DHRS2: variants seen among roughly 807,000 people sequenced by gnomAD.
DHRS2 encodes dehydrogenase/reductase 2, also known as dehydrogenase/reductase SDR family member 2, mitochondrial.
A neutral mutation model predicts 26.3 loss-of-function variants in DHRS2; 29 were observed. The observed-to-expected ratio is 1.10, with a 90% CI of 0.82 to 1.50. The LOEUF (loss-of-function observed/expected upper bound fraction) is 1.50, where lower values mean the gene tolerates loss of function less well. Among genes scored for constraint, DHRS2 ranks in the 40% most tolerant of loss-of-function variants. DHRS2 has a pLI of 0.00. For missense variants in DHRS2, 439 were observed against 367.1 expected (o/e 1.20, Z -1.60); for synonymous variants, 164 against 151.3 (o/e 1.08, Z -0.62).
rs1452646648 is a variant in DHRS2, at chr14:23,639,167, C to T, written c.141-12C>T. Reference sequence around the variant, plus strand: ...GCTGAGGCTGACTTTTGCCCTCCATCTCTGCATTCAGGATCGGCTTTGCCA... The same window carrying T: ...GCTGAGGCTGACTTTTGCCCTCCATTTCTGCATTCAGGATCGGCTTTGCCA... On this transcript the variant is annotated splice_polypyrimidine_tract_variant and intron_variant, in intron 2 of 8. Coordinates refer to ENST00000250383, the MANE Select transcript of DHRS2 (RefSeq NM_005794.4). 7.4e-6 allele frequency: 12 copies of T among 1,611,718 alleles called. No individual in the cohort carries two copies. Among genetic ancestry groups the T allele is most frequent in the Non-Finnish European group, 9.3e-6 (11 of 1,179,200 alleles).
Position 23,645,199 on chromosome 14 carries a change from C to T in DHRS2, c.789C>T (p.Ala263=), listed in dbSNP as rs1890828250. The change falls in exon 9 of 9, where the codon GCC becomes GCT. Residue 263 remains alanine (A), a synonymous_variant. Transcript: ENST00000250383. ...GIVSFLCSPD[A]SYVNGENIAV... is the part of the protein sequence containing the mutation. ...TGTCCTTCCTGTGCTCTCCAGATGC[C>T]AGCTACGTCAACGGGGAGAACATTG... is the stretch of plus-strand genomic sequence containing the variant. The T allele has an allele frequency of 6.2e-7, 1 of 1,614,052 alleles. No individual in the cohort carries two copies. Among genetic ancestry groups the T allele is most frequent in the African/African-American group, 1.3e-5 (1 of 74,898 alleles).
At chr14:23,644,789 T>A (rs1276823748) in intron 7 of DHRS2, 38 bp from the exon 8 acceptor site, 1 of 1,611,708 alleles carries the variant, frequency 6.2e-7, no homozygotes. Context: ...CATCTTGTTT[T>A]AGTAGCACTG....
chr14:23,636,571 A>T lies in DHRS2; in HGVS notation c.-240A>T, dbSNP rs1890297177. 6.6e-6 allele frequency: 1 copy of T among 152,142 alleles called. No homozygotes were observed. The highest frequency in any genetic ancestry group is 1.5e-5 in the Non-Finnish European group (1 of 68,044). The allele number at this position is 152,142 out of a possible 1,614,324, so 9.4% of individuals were successfully genotyped here. A position where few individuals can be genotyped will look rare whatever the true frequency, so the allele number is the denominator to read the frequency against. On this transcript the variant is annotated 5_prime_UTR_variant, in exon 1 of 9. Transcript: ENST00000250383. ...CAACTCTGGACACACCATCTTTAAG[A>T]ACCGTAATACTCACCGCAAGGGTCT...
chr14:23,639,520 C>T (rs765585817), intron 3 of DHRS2, among the ~76,000 whole-genome samples, 164 bp downstream of exon 3: 4 of 152,094 alleles, frequency 2.6e-5, no homozygotes, highest in Non-Finnish European at 4.4e-5. Flanking sequence ...AGGAAAGTGA[C>T]CTGTTCGTGA....
Position 23,638,859 on chromosome 14 carries a change from A to G in DHRS2, c.-6A>G, listed in dbSNP as rs761091968. 3.1e-6 allele frequency: 5 copies of G among 1,612,364 alleles called. No individual in the cohort carries two copies. The Admixed American group carries it at 8.4e-5, about 27-fold the overall frequency. Reference sequence around the variant, plus strand: ...TCAGCAGGAAGCATCTCAGACACCAACCACTATGCTGTCAGCAGTTGCCCG... The same window carrying G: ...TCAGCAGGAAGCATCTCAGACACCAGCCACTATGCTGTCAGCAGTTGCCCG... On this transcript the variant is annotated 5_prime_UTR_variant, in exon 2 of 9. Transcript: ENST00000250383.
Position 23,645,122 on chromosome 14 carries a change from T to C in DHRS2, c.732-20T>C. ...AATCAGAGTACAAGATGCTTGACAC[T>C]GTGTCCTTCTTCCATCCAGGATTGG... On this transcript the variant is annotated intron_variant, in intron 8 of 8. Coordinates refer to ENST00000250383, the MANE Select transcript of DHRS2 (RefSeq NM_005794.4). The C allele has an allele frequency of 6.2e-7, 1 of 1,613,936 alleles. No individual in the cohort carries two copies.
intron 5 of DHRS2, chr14:23,643,550 A>C: frequency 3.0e-6 from 1 of 329,448 alleles, no homozygotes. Flanking sequence ...CTTAAAACCA[A>C]TGACAGGGTT....
At chr14:23,632,028 G>T (rs1029325128), upstream of DHRS2, among the ~76,000 whole-genome samples, 1 of 152,220 alleles carries the variant, frequency 6.6e-6, no homozygotes, top group Admixed American at 6.5e-5. Flanking sequence ...GACAAGCAGG[G>T]CTTGGTAAGA....
In DHRS2 at chr14:23,639,222, C is replaced by T. The variant is rs199641343; in HGVS notation, c.184C>T (p.His62Tyr). 3.8e-5 allele frequency: 62 copies of T among 1,613,790 alleles called. No individual in the cohort carries two copies. Among genetic ancestry groups the T allele is most frequent in the Non-Finnish European group, 4.8e-5 (57 of 1,179,954 alleles). Residue 62 changes from histidine (H) to tyrosine (Y), a missense_variant, in exon 3 of 9, where the codon CAC becomes TAC. Physicochemically the swap from His to Tyr is moderately conservative, Grantham distance 83. Coordinates refer to ENST00000250383, the MANE Select transcript of DHRS2 (RefSeq NM_005794.4). The part of the protein sequence containing the change: ...IARRLARDGA[H>Y]VVISSRKQQN... ...CCGACGTCTGGCCCGGGACGGGGCC[C>T]ACGTGGTCATCAGCAGCCGGAAGCA...
chr14:23,638,143 ACAACTC>A (rs1211839328), intron 1 of DHRS2: 1 of 152,690 alleles, frequency 6.5e-6, no homozygotes, highest in Admixed American at 6.5e-5. Context: ...GAAGGAATGA[ACAACTC>A]CAGACGCACT....
chr14:23,644,512 C>G lies in DHRS2; in HGVS notation c.644C>G (p.Pro215Arg), dbSNP rs1160433727. Residue 215 changes from proline to arginine, a missense_variant, in exon 7 of 9, where the codon CCA becomes CGA. Transcript: ENST00000250383. The stretch of plus-strand genomic sequence containing the variant: ...GACATCCGGGTAAACTGCGTGGTTC[C>G]AGGAATTATCAAAACTGACTTCAGC... ...PKDIRVNCVVPGIIKTDFSKV... is the reference protein window; with the variant it reads ...PKDIRVNCVVRGIIKTDFSKV... 1.4e-5 allele frequency: 23 copies of G among 1,614,078 alleles called. No individual in the cohort carries two copies. Among genetic ancestry groups the G allele is most frequent in the Non-Finnish European group, 1.9e-5 (22 of 1,180,038 alleles).
upstream of DHRS2, among the ~76,000 whole-genome samples, chr14:23,635,531 C>T (rs1890249387): frequency 6.6e-6 from 1 of 152,198 alleles, no homozygotes; most frequent in Non-Finnish European, 1.5e-5. Flanking sequence ...TTCAACTTCT[C>T]CGTATAATGC....
At position 23,638,904 on chromosome 14, in the gene DHRS2, C is replaced by T. The variant is rs201870202; in HGVS notation, c.40C>T (p.His14Tyr). 1.9e-6 allele frequency: 3 copies of T among 1,614,214 alleles called. No homozygotes were observed. Among genetic ancestry groups the T allele is most frequent in the East Asian group, 4.5e-5 (2 of 44,876 alleles). ...AVARGYQGWFHPCARLSVRMS... is the reference protein window; with the variant it reads ...AVARGYQGWFYPCARLSVRMS... ...TGCCCGGGGCTACCAGGGCTGGTTT[C>T]ATCCCTGTGCTAGGCTTTCTGTGAG... is the stretch of plus-strand genomic sequence containing the variant. Residue 14 changes from histidine (H) to tyrosine (Y), a missense_variant, in exon 2 of 9, where the codon CAT (histidine) becomes TAT (tyrosine). Coordinates refer to ENST00000250383, the MANE Select transcript of DHRS2 (RefSeq NM_005794.4).
chr14:23,637,109 A>C (rs1890344019), intron 1 of DHRS2, among the ~76,000 whole-genome samples: 1 of 152,188 alleles, frequency 6.6e-6, no homozygotes, highest in Non-Finnish European at 1.5e-5. Flanking sequence ...CATGTTGCCC[A>C]AGTGAGACTC....
chr14:23,640,139 C>T, intron 4 of DHRS2: 1 of 717,522 alleles, frequency 1.4e-6, no homozygotes, highest in Non-Finnish European at 1.9e-6. Flanking sequence ...ATCACTTTTT[C>T]ATTTAATCAT....
intron 4 of DHRS2, chr14:23,640,585 C>A: frequency 3.5e-6 from 1 of 283,878 alleles, no homozygotes; most frequent in Non-Finnish European, 5.3e-6. Flanking sequence ...TGCCAGAATG[C>A]GTCGTGATGA....
intron 4 of DHRS2, chr14:23,641,627 C>G (rs1394915783): frequency 7.8e-6 from 10 of 1,289,716 alleles, no homozygotes; most frequent in Non-Finnish European, 1.0e-5. Context: ...GACCAGGAAA[C>G]CCTTACAGCT....
intron 7 of DHRS2, 40 bp downstream of exon 7, chr14:23,644,583 A>C (rs1172702937): frequency 4.3e-6 from 7 of 1,614,128 alleles, no homozygotes; most frequent in Non-Finnish European, 4.2e-6. Context: ...AGTCTGGCTC[A>C]GTGGGAACCC....
exon 1 of DHRS2, chr14:23,630,166 A>G (rs222728): frequency 0.72 from 109,702 of 152,216 alleles, 40,930 homozygotes; most frequent in East Asian, 0.81. Flanking sequence ...TCACATCCTC[A>G]TACTCAGCTG....
Sources: gnomAD v4.1 joint callset for allele counts (sites outside exome capture counted in the v4.1 genomes callset) on GRCh38, gnomAD v4.1.1 for gene constraint, MANE v1.5 for transcripts, NCBI Gene and HGNC (gene_info 2026-07-23, HGNC 2026-07-21) for gene names.